GSG1L: variants seen among roughly 807,000 people sequenced by gnomAD.
GSG1L encodes GSG1 like, also known as germ cell-specific gene 1-like protein.
GSG1L carries 24 observed loss-of-function variants against 42.1 expected under a neutral mutation model. That is an observed-to-expected ratio of 0.57 (90% CI 0.41 to 0.80). The LOEUF (loss-of-function observed/expected upper bound fraction) is 0.80. Ranked by LOEUF, GSG1L falls within the 30% of genes least tolerant of loss-of-function variation. The pLI, the probability that GSG1L is intolerant of heterozygous loss-of-function variation, is 0.00. For missense variants in GSG1L, 445 were observed against 472.2 expected (o/e 0.94, Z 0.53); for synonymous variants, 215 against 203.5 (o/e 1.06, Z -0.48).
intron 1 of GSG1L, among the ~76,000 whole-genome samples, chr16:28,018,832 A>G (rs74016606): frequency 0.012 from 1,769 of 152,242 alleles, 35 homozygotes; most frequent in African/African-American, 0.041. Flanking sequence ...TGTTTTCTCC[A>G]TAGAGGCTTG....
chr16:27,810,577 T>TA (rs1231474454), intron 5 of GSG1L, among the ~76,000 whole-genome samples: 1 of 152,214 alleles, frequency 6.6e-6, no homozygotes, highest in Admixed American at 6.5e-5. Flanking sequence ...TTTCTGCTTA[T>TA]AAGGATCTCC....
At chr16:27,995,342 A>G (rs1288896361) in intron 1 of GSG1L, among the ~76,000 whole-genome samples, 1 of 152,216 alleles carries the variant, frequency 6.6e-6, no homozygotes, top group African/African-American at 2.4e-5. Flanking sequence ...AGAATAAAAT[A>G]AGCCCAAGAA....
chr16:27,938,594 C>T (rs1052381582), intron 2 of GSG1L, among the ~76,000 whole-genome samples: 7 of 152,056 alleles, frequency 4.6e-5, no homozygotes, highest in African/African-American at 9.7e-5. Context: ...ATCAGAGCAG[C>T]GAAGGTCATC....
chr16:27,836,925 G>A (rs2083326988), intron 4 of GSG1L, among the ~76,000 whole-genome samples: 1 of 152,158 alleles, frequency 6.6e-6, no homozygotes, highest in African/African-American at 2.4e-5. Flanking sequence ...TTGAGACTCT[G>A]GATCTTGTTT....
chr16:27,934,333 C>G (rs552633091), intron 2 of GSG1L, among the ~76,000 whole-genome samples: 1 of 152,230 alleles, frequency 6.6e-6, no homozygotes, highest in Non-Finnish European at 1.5e-5. Flanking sequence ...CACCTGAGGT[C>G]AGGAGTTCGA....
chr16:27,798,010 G>C (rs1305942106), intron 6 of GSG1L, among the ~76,000 whole-genome samples: 1 of 152,072 alleles, frequency 6.6e-6, no homozygotes, highest in Non-Finnish European at 1.5e-5. Context: ...GGAAATACCA[G>C]AAACTGGGTG....
chr16:27,898,343 C>T (rs1426978362), intron 2 of GSG1L, among the ~76,000 whole-genome samples: 1 of 147,178 alleles, frequency 6.8e-6, no homozygotes, highest in Non-Finnish European at 1.5e-5. Context: ...CCAAAAGCCC[C>T]ACCCGCCCAC....
chr16:27,893,142 G>T (rs2084148479), intron 2 of GSG1L, among the ~76,000 whole-genome samples: 3 of 152,196 alleles, frequency 2.0e-5, no homozygotes, highest in African/African-American at 4.8e-5. Context: ...CCTCCAGGGG[G>T]CAGAAGGAAT....
At chr16:27,816,803 G>A (rs1218100788) in intron 5 of GSG1L, among the ~76,000 whole-genome samples, 1 of 152,130 alleles carries the variant, frequency 6.6e-6, no homozygotes, top group Non-Finnish European at 1.5e-5. Flanking sequence ...CCTGGAGCTA[G>A]AGCGAGTTTC....
chr16:27,887,226 G>A (rs992104370), intron 2 of GSG1L, among the ~76,000 whole-genome samples: 1 of 152,168 alleles, frequency 6.6e-6, no homozygotes, highest in African/African-American at 2.4e-5. Flanking sequence ...AAAGTGGTGG[G>A]ACTACAGGCA....
At chr16:28,045,626 G>A (rs1356100305) in intron 1 of GSG1L, among the ~76,000 whole-genome samples, 3 of 151,906 alleles carry the variant, frequency 2.0e-5, no homozygotes, top group Admixed American at 6.6e-5. Context: ...GCAGTGAGCC[G>A]AGACCACACC....
chr16:27,931,277 C>G lies in GSG1L; in HGVS notation c.397+31879G>C, dbSNP rs147562126. 3.3e-5 allele frequency among the ~76,000 whole-genome samples: 5 copies of G among 152,258 alleles called. No homozygotes were observed. In the East Asian group the frequency reaches 9.6e-4, roughly 29 times the overall value. ...AAAGTAGAGGAGGCTGGACAGCTTC[C>G]CGGCTGCAATCTCCTGCCCATGCCT... On this transcript the variant is annotated intron_variant, in intron 2 of 6. Transcript: ENST00000447459.
chr16:27,843,162 G>T (rs529341497), intron 4 of GSG1L, among the ~76,000 whole-genome samples: 7 of 152,314 alleles, frequency 4.6e-5, no homozygotes, highest in Admixed American at 3.9e-4. Context: ...ATGGGTAAAT[G>T]CTCCCCAACT....
intron 1 of GSG1L, among the ~76,000 whole-genome samples, chr16:28,017,737 G>A (rs1313118960): frequency 6.6e-5 from 10 of 152,198 alleles, no homozygotes; most frequent in South Asian, 2.1e-4. Context: ...AAAACAATGC[G>A]TAGAGTCTGC....
intron 2 of GSG1L, among the ~76,000 whole-genome samples, chr16:27,929,854 C>T (rs1180695662): frequency 1.3e-5 from 2 of 152,148 alleles, no homozygotes; most frequent in Non-Finnish European, 2.9e-5. Context: ...GGAAGAACAG[C>T]TCTCTGCCCT....
intron 2 of GSG1L, among the ~76,000 whole-genome samples, chr16:27,916,447 T>C (rs1217284370): frequency 2.0e-5 from 3 of 151,634 alleles, no homozygotes; most frequent in Admixed American, 6.6e-5. Flanking sequence ...TCCCAAGTAG[T>C]TGGGTTGCAA....
intron 2 of GSG1L, among the ~76,000 whole-genome samples, chr16:27,911,266 G>GCTCTCTCTCTCTCTCTCTCT (rs71648556): frequency 7.4e-5 from 9 of 122,152 alleles, no homozygotes; most frequent in African/African-American, 3.1e-4. Context: ...CCTCTCTCTC[G>GCTCTCTCTCTCTCTCTCTCT]CTCTCTCTCT....
chr16:27,860,316 C>T (rs7200017), intron 3 of GSG1L, among the ~76,000 whole-genome samples: 58,325 of 152,016 alleles, frequency 0.38, 11,295 homozygotes, highest in South Asian at 0.44. Context: ...CGGGCTTGGT[C>T]GGGCAGGAAG....
chr16:27,978,270 G>A (rs932243518), intron 1 of GSG1L, among the ~76,000 whole-genome samples: 2 of 152,320 alleles, frequency 1.3e-5, no homozygotes, highest in African/African-American at 4.8e-5. Context: ...TGGTTTAATT[G>A]AGAAAGAAGC....
Sources: gnomAD v4.1 joint callset for allele counts (sites outside exome capture counted in the v4.1 genomes callset) on GRCh38, gnomAD v4.1.1 for gene constraint, MANE v1.5 for transcripts, NCBI Gene and HGNC (gene_info 2026-07-23, HGNC 2026-07-21) for gene names.